The following FOXP3 variants were observed in gnomAD, a reference collection of about 807,000 sequenced individuals.
FOXP3 encodes the protein forkhead box P3.
FOXP3 carries 5 observed loss-of-function variants against 31.2 expected under a neutral mutation model. That is an observed-to-expected ratio of 0.16 (90% confidence interval 0.08 to 0.34). The LOEUF (loss-of-function observed/expected upper bound fraction) is 0.34. Among genes scored for constraint, FOXP3 ranks in the 10% least tolerant of loss-of-function variants. The probability of loss-of-function intolerance (pLI) is 1.00; values close to 1 mark genes in which losing one functional copy is unlikely to be tolerated. For missense variants in FOXP3, 251 were observed against 363.0 expected (o/e 0.69, Z 2.51); for synonymous variants, 141 against 148.8 (o/e 0.95, Z 0.38).
chrX:49,254,043 A>C lies in FOXP3; in HGVS notation c.841T>G (p.Cys281Gly). ...CCTTGGCTGCCAGCAGCTACGATGC[A>C]GCAGGAGCCCTTGTCGGATGATGCC... The part of the protein sequence containing the change: ...SVASSDKGSC[C>G]IVAAGSQGPV... Residue 281 changes from cysteine to glycine, a missense_variant, in exon 9 of 12, where the codon TGC becomes GGC. Cys to Gly is a radical substitution (Grantham distance 159, BLOSUM62 -3). Around this residue, in one of 4 missense-constraint regions of FOXP3, gnomAD observed 57 missense variants for 60.9 expected, o/e 0.94. Transcript: ENST00000376207. 1 of 1,208,644 alleles carries C rather than the reference A, an allele frequency of 8.3e-7. No homozygotes were observed. Among genetic ancestry groups the C allele is most frequent in the Non-Finnish European group, 1.1e-6 (1 of 893,911 alleles).
intron 6 of FOXP3, 44 bp downstream of exon 6, chrX:49,256,707 C>T: frequency 8.8e-7 from 1 of 1,138,259 alleles, no homozygotes; most frequent in Non-Finnish European, 1.2e-6. Flanking sequence ...GACCTCTCCC[C>T]ACAAGCCAGG....
At chrX:49,259,225 C>A (rs1304664182) in intron 1 of FOXP3, 1 of 526,012 alleles carries the variant, frequency 1.9e-6, no homozygotes, top group Admixed American at 2.6e-5. Flanking sequence ...CTGACATTAC[C>A]TGAGATGGGG....
At chrX:49,256,685 A>G (rs1037435762) in intron 6 of FOXP3, 66 bp downstream of exon 6, 2 of 940,101 alleles carry the variant, frequency 2.1e-6, no homozygotes, top group South Asian at 2.0e-5. Context: ...CTGAGCTGAG[A>G]TCTGCACCCT....
intron 8 of FOXP3, 109 bp from the exon 9 acceptor site, chrX:49,254,176 G>C (rs1223317896): frequency 4.3e-6 from 4 of 939,516 alleles, no homozygotes; most frequent in Non-Finnish European, 4.3e-6. Context: ...CTGTCGCCCA[G>C]GCTGGAGTGC....
intron 8 of FOXP3, among the ~76,000 whole-genome samples, chrX:49,254,796 T>C (rs1440957133): frequency 9.0e-6 from 1 of 111,578 alleles, no homozygotes; most frequent in East Asian, 2.8e-4. Flanking sequence ...TTTAATGCTC[T>C]GTGGTCGCCA....
At chrX:49,262,369 C>T (rs2066115743) in intron 1 of FOXP3, among the ~76,000 whole-genome samples, 1 of 112,265 alleles carries the variant, frequency 8.9e-6, no homozygotes, top group African/African-American at 3.2e-5. Flanking sequence ...GGACATGGAC[C>T]CACATATGGA....
At chrX:49,254,639 C>G (rs1557116020) in intron 8 of FOXP3, among the ~76,000 whole-genome samples, 1 of 111,529 alleles carries the variant, frequency 9.0e-6, no homozygotes, top group Non-Finnish European at 1.9e-5. Context: ...GTCACCTAAA[C>G]CCCCCTGGCC....
At chrX:49,260,529 C>T (rs2066103628) in intron 1 of FOXP3, among the ~76,000 whole-genome samples, 1 of 112,606 alleles carries the variant, frequency 8.9e-6, no homozygotes, top group Admixed American at 9.3e-5. Flanking sequence ...TCTCCCCAAA[C>T]ACATGTGGGA....
At position 49,258,401 on chromosome X, in the gene FOXP3, C is replaced by A. The variant is rs782359163; in HGVS notation, c.105G>T (p.Leu35=). ...TTCCCCCTGGGCCCCGGGCCCCCAG[C>A]AGGTCTGAGGCTTTGGGTGCAGCCC... The part of the protein sequence containing the change: ...SWRAAPKASD[L]LGARGPGGTF... Residue 35 remains leucine, a synonymous_variant, in exon 2 of 12, where the codon CTG becomes CTT. Coordinates refer to ENST00000376207, the MANE Select transcript of FOXP3 (RefSeq NM_014009.4). The A allele has an allele frequency of 8.5e-7, 1 of 1,175,617 alleles. No homozygotes were observed. Among genetic ancestry groups the A allele is most frequent in the Non-Finnish European group, 1.1e-6 (1 of 876,351 alleles).
At chrX:49,256,190 TTG>T (rs1228680537) in intron 6 of FOXP3, among the ~76,000 whole-genome samples, 2 of 92,325 alleles carry the variant, frequency 2.2e-5, no homozygotes, top group South Asian at 4.9e-4. Flanking sequence ...TGGTGTGTAT[TTG>T]TGTGTGTGTG....
intron 6 of FOXP3, 58 bp downstream of exon 6, chrX:49,256,693 C>G (rs1602685682): frequency 9.7e-7 from 1 of 1,027,274 alleles, no homozygotes; most frequent in Non-Finnish European, 1.4e-6. Context: ...AGATCTGCAC[C>G]CTAGACCTCT....
chrX:49,257,217 G>T lies in FOXP3; in HGVS notation c.455-205C>A, dbSNP rs11465469. ...AGGTGCTGACATTTTGACTAGCTTTGTAAAGCTCTGTGGTTTTGTGATTTT... is the reference window on the plus strand; with the variant it reads ...AGGTGCTGACATTTTGACTAGCTTTTTAAAGCTCTGTGGTTTTGTGATTTT... On this transcript the variant is annotated intron_variant, in intron 4 of 11. Transcript: ENST00000376207. Among the ~76,000 whole-genome samples, 2,662 of 112,621 alleles carry T rather than the reference G, an allele frequency of 0.024. 79 individuals carry two copies. The highest frequency in any genetic ancestry group is 0.082 in the African/African-American group (2,536 of 30,969).
In FOXP3 at chrX:49,250,632, G is replaced by A. The variant is rs1056832335; in HGVS notation, c.*702C>T. The A allele has an allele frequency of 3.2e-6, 1 of 309,274 alleles. No homozygotes were observed. Among genetic ancestry groups the A allele is most frequent in the Non-Finnish European group, 6.0e-6 (1 of 166,411 alleles). The allele number at this position is 309,274 out of a possible 1,213,427, so 25.5% of individuals were successfully genotyped here. A position where few individuals can be genotyped will look rare whatever the true frequency, so the allele number is the denominator to read the frequency against. The stretch of plus-strand genomic sequence containing the variant: ...GTGTGTGGCTGTGTGTGTCTGCACG[G>A]GACTCAAGAGACCCACTGGGGGGCT... On this transcript the variant is annotated 3_prime_UTR_variant, in exon 12 of 12. Transcript: ENST00000376207.
intron 6 of FOXP3, 44 bp from the exon 7 acceptor site, chrX:49,255,846 G>T (rs1377965058): frequency 1.8e-6 from 2 of 1,106,038 alleles, no homozygotes. Flanking sequence ...CGACAGGCCT[G>T]GTCTGGCTCA....
chrX:49,261,423 G>C (rs925457408), intron 1 of FOXP3, among the ~76,000 whole-genome samples: 31 of 112,751 alleles, frequency 2.7e-4, no homozygotes, highest in African/African-American at 1.0e-3. Context: ...TGTGCCTTTG[G>C]TCTGGGCCTC....
chrX:49,254,795 C>G (rs1293729763), intron 8 of FOXP3, among the ~76,000 whole-genome samples: 5 of 111,641 alleles, frequency 4.5e-5, no homozygotes, highest in Non-Finnish European at 7.5e-5. Context: ...GTTTAATGCT[C>G]TGTGGTCGCC....
At chrX:49,256,603 G>C in intron 6 of FOXP3, 148 bp downstream of exon 6, 1 of 511,116 alleles carries the variant, frequency 2.0e-6, no homozygotes, top group Non-Finnish European at 3.5e-6. Flanking sequence ...AGCCAGTCAG[G>C]GATGGAGCTG....
At position 49,258,528 on chromosome X, in the gene FOXP3, CT is replaced by C. The variant is rs1557116776; in HGVS notation, c.-22-2del. ...CATCGGGTCCTTGTCCAAGGGCAGGCTGCGTAGACAATAGGGGAAAGGAGTC... is the reference window on the plus strand; with the variant it reads ...CATCGGGTCCTTGTCCAAGGGCAGGCGCGTAGACAATAGGGGAAAGGAGTC... On this transcript the variant is annotated splice_acceptor_variant, in intron 1 of 11. Transcript: ENST00000376207. LOFTEE classifies it low-confidence loss of function (5UTR_SPLICE). 8.8e-7 allele frequency: 1 copy of C among 1,137,195 alleles called. No homozygotes were observed. Among genetic ancestry groups the C allele is most frequent in the Non-Finnish European group, 1.2e-6 (1 of 855,403 alleles). 93.7% of individuals were successfully genotyped at this position (1,137,195 alleles called of 1,213,427 possible). A position where few individuals can be genotyped will look rare whatever the true frequency, so the allele number is the denominator to read the frequency against.
At position 49,251,096 on chromosome X, in the gene FOXP3, C is replaced by A. The variant is rs1557115444; in HGVS notation, c.*238G>T. 3.1e-6 allele frequency: 1 copy of A among 318,909 alleles called. No homozygotes were observed. The allele number at this position is 318,909 out of a possible 1,213,427, so 26.3% of individuals were successfully genotyped here. A position where few individuals can be genotyped will look rare whatever the true frequency, so the allele number is the denominator to read the frequency against. On this transcript the variant is annotated 3_prime_UTR_variant, in exon 12 of 12. Coordinates refer to ENST00000376207, the MANE Select transcript of FOXP3 (RefSeq NM_014009.4). ...GCTCGACTGGGGGGTGTGTCTGGGG[C>A]GGAGGTGGGGGCTGGGGCCAGGACC...
Sources: allele counts gnomAD v4.1 joint callset (sites outside exome capture counted in the v4.1 genomes callset), GRCh38; gene constraint gnomAD v4.1.1; regional missense constraint gnomAD v4.1.1; transcripts MANE v1.5; gene names NCBI Gene and HGNC (gene_info 2026-07-23, HGNC 2026-07-21).